The following ZNF680 variants were observed in gnomAD, a reference collection of about 807,000 sequenced individuals.
ZNF680 encodes zinc finger protein 680, also known as hypothetical protein FLJ90430.
A neutral mutation model predicts 12.1 loss-of-function variants in ZNF680; 6 were observed. The observed-to-expected ratio is 0.49, with a 90% CI of 0.27 to 0.98. The LOEUF is 0.98. Ranked by LOEUF, ZNF680 falls within the 50% of genes least tolerant of loss-of-function variation. The pLI is 0.12. For synonymous variants in ZNF680, 170 were observed against 199.3 expected (o/e 0.85, Z 1.24); for missense variants, 561 against 616.3 (o/e 0.91, Z 0.95).
At chr7:64,512,066 A>T in the ZNF680 span, among the ~76,000 whole-genome samples, 2 of 151,880 alleles carry the variant, frequency 1.3e-5, no homozygotes, top group East Asian at 3.9e-4. Flanking sequence ...TCTCCAAAAA[A>T]AAAAAAGCAC....
At chr7:64,510,385 A>G in the ZNF680 span, among the ~76,000 whole-genome samples, 6 of 152,094 alleles carry the variant, frequency 3.9e-5, no homozygotes, top group Admixed American at 6.6e-5. Context: ...AAGCTTTAGT[A>G]AAAACACCTA....
intron 3 of ZNF680, among the ~76,000 whole-genome samples, chr7:64,529,879 T>C (rs1261956473): frequency 6.6e-6 from 1 of 152,068 alleles, no homozygotes; most frequent in Non-Finnish European, 1.5e-5. Flanking sequence ...AGGAAAAACA[T>C]CTTAAGAGTT....
chr7:64,536,145 C>T (rs898115884), intron 3 of ZNF680, among the ~76,000 whole-genome samples: 33 of 151,940 alleles, frequency 2.2e-4, no homozygotes, highest in East Asian at 1.5e-3. Context: ...GAAAGAAATA[C>T]ATAGCAACAT....
At chr7:64,504,903 C>CA in the ZNF680 span, among the ~76,000 whole-genome samples, 2 of 152,180 alleles carry the variant, frequency 1.3e-5, no homozygotes, top group South Asian at 4.1e-4. Context: ...AATTTTTTGT[C>CA]AATTTACTCT....
intron 3 of ZNF680, chr7:64,525,047 C>A (rs1176666329): frequency 2.0e-5 from 3 of 151,942 alleles, no homozygotes; most frequent in Non-Finnish European, 4.4e-5. Flanking sequence ...AAACAGCAAC[C>A]CCCAAAGTAT....
rs539143411 is a variant in ZNF680, at chr7:64,524,260, G to A, written c.254-1760C>T. ...CCTTCCGGGTTCAAGCGATTCTCCT[G>A]CCTCAGCCTCCCTAGTAGCTGGGAT... On this transcript the variant is annotated intron_variant, in intron 3 of 3. Coordinates refer to ENST00000309683, the MANE Select transcript of ZNF680 (RefSeq NM_178558.5). 8.1e-4 allele frequency among the ~76,000 whole-genome samples: 122 copies of A among 150,636 alleles called. 1 individual carries two copies. Among genetic ancestry groups the A allele is most frequent in the African/African-American group, 2.9e-3 (118 of 40,966 alleles).
intron 3 of ZNF680, among the ~76,000 whole-genome samples, chr7:64,533,845 A>T (rs1170090124): frequency 6.6e-6 from 1 of 152,200 alleles, no homozygotes; most frequent in East Asian, 1.9e-4. Flanking sequence ...AGAATAGCGA[A>T]CCCAGAAATA....
chr7:64,563,030 G>A lies in ZNF680; in HGVS notation c.-76C>T. 1.3e-6 allele frequency: 2 copies of A among 1,565,354 alleles called. No individual in the cohort carries two copies. The highest frequency in any genetic ancestry group is 1.1e-5 in the South Asian group (1 of 90,130). ...GGCCTCTAGGAGCAGAATACACAGA[G>A]CAGTAAAGACTAGACCTGGAGCTCC... On this transcript the variant is annotated 5_prime_UTR_variant, in exon 1 of 4. Coordinates refer to ENST00000309683, the MANE Select transcript of ZNF680 (RefSeq NM_178558.5).
chr7:64,524,651 C>A (rs1791734790), intron 3 of ZNF680: 1 of 152,016 alleles, frequency 6.6e-6, no homozygotes, highest in African/African-American at 2.4e-5. Flanking sequence ...GGTAAAGAAA[C>A]CGGACTTGAA....
At chr7:64,517,062 A>G (rs1791370201), downstream of ZNF680, among the ~76,000 whole-genome samples, 1 of 152,104 alleles carries the variant, frequency 6.6e-6, no homozygotes, top group South Asian at 2.1e-4. Context: ...CTAGAGAAAC[A>G]AGAACAAACC....
the ZNF680 span, among the ~76,000 whole-genome samples, chr7:64,508,854 T>G: frequency 6.6e-6 from 1 of 152,198 alleles, no homozygotes; most frequent in Non-Finnish European, 1.5e-5. Flanking sequence ...AGATATAATC[T>G]TGTTGGGTAG....
At chr7:64,544,997 G>A (rs991974772) in intron 1 of ZNF680, among the ~76,000 whole-genome samples, 4 of 152,016 alleles carry the variant, frequency 2.6e-5, no homozygotes, top group East Asian at 3.9e-4. Flanking sequence ...GGTGGCTCAC[G>A]CCTGTAATCC....
chr7:64,556,856 T>C (rs751415183), intron 1 of ZNF680, among the ~76,000 whole-genome samples: 2 of 152,124 alleles, frequency 1.3e-5, no homozygotes, highest in Non-Finnish European at 2.9e-5. Flanking sequence ...AAACTATCAA[T>C]AGAGTAAACA....
At chr7:64,539,150 A>G (rs1353064507) in intron 3 of ZNF680, among the ~76,000 whole-genome samples, 2 of 136,894 alleles carry the variant, frequency 1.5e-5, no homozygotes, top group Admixed American at 7.2e-5. Flanking sequence ...AAAAAAAAAA[A>G]GCCAAAATGC....
chr7:64,513,306 TAAAAA>T, the ZNF680 span, among the ~76,000 whole-genome samples: 1 of 150,666 alleles, frequency 6.6e-6, no homozygotes, highest in Non-Finnish European at 1.5e-5. Flanking sequence ...TGCCTAAAAA[TAAAAA>T]AAGTCTTAAA....
the ZNF680 span, chr7:64,501,090 A>C: frequency 1.1e-6 from 1 of 946,102 alleles, no homozygotes; most frequent in Admixed American, 1.9e-5. Context: ...CAGAGCCAAA[A>C]GTGAACGGAG....
At position 64,520,954 on chromosome 7, in the gene ZNF680, C is replaced by A. The variant is rs1360554235; in HGVS notation, c.*207G>T. 3.8e-6 allele frequency: 2 copies of A among 520,246 alleles called. No individual in the cohort carries two copies. The highest frequency in any genetic ancestry group is 3.9e-5 in the African/African-American group (2 of 51,858). The allele number at this position is 520,246 out of a possible 1,614,324, so 32.2% of individuals were successfully genotyped here. On this transcript the variant is annotated 3_prime_UTR_variant, in exon 4 of 4. Transcript: ENST00000309683. ...CTTTTTCACATTCTTTATACTTGTA[C>A]AATCTTTCTCAAGTAAAAATGCTTT...
At chr7:64,508,147 A>ATATATATAT in the ZNF680 span, among the ~76,000 whole-genome samples, 23 of 135,284 alleles carry the variant, frequency 1.7e-4, no homozygotes, top group African/African-American at 4.7e-4. Flanking sequence ...ATATATACAT[A>ATATATATAT]ATTTTTTTTT....
At chr7:64,549,877 TG>T (rs1452084885) in intron 1 of ZNF680, among the ~76,000 whole-genome samples, 1 of 151,974 alleles carries the variant, frequency 6.6e-6, no homozygotes, top group Non-Finnish European at 1.5e-5. Flanking sequence ...CAGATACTTG[TG>T]AGGCTAAGGC....
Sources: gnomAD v4.1 joint callset for allele counts (sites outside exome capture counted in the v4.1 genomes callset) on GRCh38, gnomAD v4.1.1 for gene constraint, MANE v1.5 for transcripts, NCBI Gene and HGNC (gene_info 2026-07-23, HGNC 2026-07-21) for gene names.